Variants in TMEM108 observed in about 807,000 individuals in gnomAD.
The protein encoded by TMEM108 is cancer/testis antigen 124.
TMEM108 carries 12 observed loss-of-function variants against 35.1 expected under a neutral mutation model. The ratio of observed to expected loss-of-function variants is 0.34; its 90% CI spans 0.22 to 0.55. The LOEUF (loss-of-function observed/expected upper bound fraction) is 0.55, where lower values mean the gene tolerates loss of function less well. Among genes scored for constraint, TMEM108 ranks in the 20% least tolerant of loss-of-function variants. The pLI, the probability that TMEM108 is intolerant of heterozygous loss-of-function variation, is 0.89. For missense variants in TMEM108, 680 were observed against 753.3 expected, an observed-to-expected ratio of 0.90 and a Z score of 1.14; for synonymous variants, 287 against 308.6, an observed-to-expected ratio of 0.93 and a Z score of 0.73.
chr3:133,324,981 AAAG>A (rs766788689), intron 3 of TMEM108, among the ~76,000 whole-genome samples: 26 of 152,148 alleles, frequency 1.7e-4, no homozygotes, highest in African/African-American at 4.3e-4. Flanking sequence ...ATCTCAGAAA[AAAG>A]AAGAAGAAGA....
intron 2 of TMEM108, among the ~76,000 whole-genome samples, chr3:133,131,353 G>A (rs1387451811): frequency 6.6e-6 from 1 of 151,408 alleles, no homozygotes; most frequent in African/African-American, 2.4e-5. Context: ...TAAATTGAAG[G>A]TTTATGGCAA....
At chr3:133,222,359 T>C (rs908945459) in intron 2 of TMEM108, among the ~76,000 whole-genome samples, 5 of 152,178 alleles carry the variant, frequency 3.3e-5, no homozygotes, top group African/African-American at 1.2e-4. Context: ...AATTATAATA[T>C]ATCATCTGTC....
intron 3 of TMEM108, among the ~76,000 whole-genome samples, chr3:133,337,110 C>T (rs1053613494): frequency 1.3e-5 from 2 of 152,160 alleles, no homozygotes; most frequent in African/African-American, 4.8e-5. Context: ...TCTGGACCCA[C>T]CTGGGGCCTG....
At chr3:133,311,271 G>A (rs1576448700) in intron 3 of TMEM108, among the ~76,000 whole-genome samples, 2 of 152,166 alleles carry the variant, frequency 1.3e-5, no homozygotes, top group South Asian at 4.1e-4. Context: ...TTGCTAGGTT[G>A]GGGAAGTTCT....
chr3:133,060,220 AG>A (rs1427267058), intron 2 of TMEM108, among the ~76,000 whole-genome samples: 1 of 152,198 alleles, frequency 6.6e-6, no homozygotes, highest in Non-Finnish European at 1.5e-5. Context: ...AAGTACCAAA[AG>A]CTACAAAAGC....
intron 3 of TMEM108, among the ~76,000 whole-genome samples, chr3:133,261,736 C>T (rs898232871): frequency 1.3e-5 from 2 of 152,202 alleles, no homozygotes; most frequent in African/African-American, 4.8e-5. Flanking sequence ...AATCAAGAAG[C>T]CATGGTGGCT....
At chr3:133,150,568 C>T (rs1425242090) in intron 2 of TMEM108, among the ~76,000 whole-genome samples, 1 of 151,984 alleles carries the variant, frequency 6.6e-6, no homozygotes, top group Non-Finnish European at 1.5e-5. Context: ...AAGTCATAGT[C>T]ATAAACTTGT....
chr3:133,180,735 C>T (rs1427395532), intron 2 of TMEM108, among the ~76,000 whole-genome samples: 2 of 151,988 alleles, frequency 1.3e-5, no homozygotes, highest in African/African-American at 4.8e-5. Flanking sequence ...GCAGCTTGAT[C>T]TTCTTTTGAT....
In TMEM108 at chr3:133,285,499, G is replaced by A. The variant is rs547269301; in HGVS notation, c.40+56148G>A. ...GGTGTTTTGAAGCTCTTGCCTCAGAGAGACGTTGTTAATATTGAAGCACGC... is the reference window on the plus strand; with the variant it reads ...GGTGTTTTGAAGCTCTTGCCTCAGAAAGACGTTGTTAATATTGAAGCACGC... On this transcript the variant is annotated intron_variant, in intron 3 of 5. Coordinates refer to ENST00000321871, the MANE Select transcript of TMEM108 (RefSeq NM_023943.4). Among the ~76,000 whole-genome samples, 4 of 152,284 alleles carry A rather than the reference G, an allele frequency of 2.6e-5. No individual in the cohort carries two copies. In the East Asian group the frequency reaches 7.7e-4, roughly 29 times the overall value.
chr3:133,066,093 C>T (rs143631547), intron 2 of TMEM108, among the ~76,000 whole-genome samples: 1 of 152,220 alleles, frequency 6.6e-6, no homozygotes, highest in East Asian at 1.9e-4. Flanking sequence ...GTGGCCCAAA[C>T]GTGACATTCC....
chr3:133,163,476 G>A lies in TMEM108; in HGVS notation c.-46-65790G>A, dbSNP rs530017603. ...ATAGGGGTCAAGGAGGGTGTAATGA[G>A]GACAGCAGAGAATCATGAGTGATAA... is the stretch of plus-strand genomic sequence containing the variant. On this transcript the variant is annotated intron_variant, in intron 2 of 5. Coordinates refer to ENST00000321871, the MANE Select transcript of TMEM108 (RefSeq NM_023943.4). Among the ~76,000 whole-genome samples the A allele has an allele frequency of 4.6e-5, 7 of 152,280 alleles. No homozygotes were observed. The South Asian group carries it at 1.5e-3, about 32-fold the overall frequency.
chr3:133,236,205 C>G (rs1263477287), intron 3 of TMEM108, among the ~76,000 whole-genome samples: 2 of 152,088 alleles, frequency 1.3e-5, no homozygotes, highest in East Asian at 3.8e-4. Context: ...TATTGTTACT[C>G]TAGTACACCC....
chr3:133,216,813 A>C (rs1026535046), intron 2 of TMEM108, among the ~76,000 whole-genome samples: 4 of 152,108 alleles, frequency 2.6e-5, no homozygotes, highest in African/African-American at 9.7e-5. Flanking sequence ...TATATACCAC[A>C]ATTTCTTTAA....
At chr3:133,231,060 T>C (rs576327829) in intron 3 of TMEM108, among the ~76,000 whole-genome samples, 13 of 152,258 alleles carry the variant, frequency 8.5e-5, no homozygotes, top group African/African-American at 3.1e-4. Flanking sequence ...ACACAATAGC[T>C]CCTATATGTC....
intron 2 of TMEM108, among the ~76,000 whole-genome samples, chr3:133,193,133 G>A (rs974240106): frequency 6.6e-6 from 1 of 152,094 alleles, no homozygotes; most frequent in African/African-American, 2.4e-5. Context: ...ATGACTAAGG[G>A]AGCAGAAGTG....
At chr3:133,069,903 G>A (rs1943656148) in intron 2 of TMEM108, among the ~76,000 whole-genome samples, 1 of 152,120 alleles carries the variant, frequency 6.6e-6, no homozygotes, top group Admixed American at 6.6e-5. Flanking sequence ...TTCTTTGAAT[G>A]TGTTCATTTA....
chr3:133,158,399 C>T (rs1337354415), intron 2 of TMEM108, among the ~76,000 whole-genome samples: 4 of 136,556 alleles, frequency 2.9e-5, no homozygotes, highest in Non-Finnish European at 4.6e-5. Flanking sequence ...ACCCAGGAGG[C>T]GGAGGTCACA....
intron 3 of TMEM108, among the ~76,000 whole-genome samples, chr3:133,297,727 A>T (rs1240618058): frequency 1.3e-5 from 2 of 152,210 alleles, no homozygotes; most frequent in Non-Finnish European, 2.9e-5. Flanking sequence ...CTGTAAGAAG[A>T]GAGCAAAAGG....
intron 2 of TMEM108, among the ~76,000 whole-genome samples, chr3:133,050,976 G>A (rs543898149): frequency 7.7e-6 from 1 of 129,048 alleles, no homozygotes; most frequent in Non-Finnish European, 1.7e-5. Flanking sequence ...ATCTGTGTGC[G>A]AGTTTTTTTT....
Sources: allele counts gnomAD v4.1 joint callset (sites outside exome capture counted in the v4.1 genomes callset), GRCh38; gene constraint gnomAD v4.1.1; transcripts MANE v1.5; gene names NCBI Gene and HGNC (gene_info 2026-07-23, HGNC 2026-07-21).